ADGRL3: variants seen among roughly 807,000 people sequenced by gnomAD.
ADGRL3 encodes adhesion G protein-coupled receptor L3.
Under a neutral mutation model 153.5 loss-of-function variants are expected in ADGRL3, and 62 were observed. That is an observed-to-expected ratio of 0.40 (90% CI 0.33 to 0.50). ADGRL3 has a LOEUF of 0.50. Ranked by LOEUF, ADGRL3 falls within the 20% of genes least tolerant of loss-of-function variation. The pLI is 0.47. For missense variants in ADGRL3, 1,641 were observed against 1,859.4 expected (o/e 0.88, Z 2.16); for synonymous variants, 710 against 672.5 (o/e 1.06, Z -0.86).
At chr4:61,616,110 G>A (rs1363721113) in intron 5 of ADGRL3, among the ~76,000 whole-genome samples, 1 of 152,096 alleles carries the variant, frequency 6.6e-6, no homozygotes, top group African/African-American at 2.4e-5. Flanking sequence ...TATTTTTAAA[G>A]GCTGGCAATG....
intron 15 of ADGRL3, among the ~76,000 whole-genome samples, chr4:61,946,258 C>A (rs1410758631): frequency 6.6e-6 from 1 of 152,028 alleles, no homozygotes; most frequent in African/African-American, 2.4e-5. Flanking sequence ...TTTAGAGATT[C>A]TTGTGGGTAT....
chr4:61,775,500 C>T (rs543269794), intron 8 of ADGRL3: 1 of 733,416 alleles, frequency 1.4e-6, no homozygotes, highest in East Asian at 2.7e-5. Flanking sequence ...CCTGAGACTC[C>T]TTGCCATAGT....
intron 8 of ADGRL3, among the ~76,000 whole-genome samples, chr4:61,756,639 A>G (rs997608296): frequency 2.6e-5 from 4 of 152,166 alleles, no homozygotes. Flanking sequence ...TGCCCTGGCC[A>G]GAACTTCCAA....
intron 1 of ADGRL3, among the ~76,000 whole-genome samples, chr4:61,241,276 G>T (rs956194419): frequency 1.3e-5 from 2 of 151,950 alleles, no homozygotes; most frequent in Non-Finnish European, 2.9e-5. Flanking sequence ...GGTAACGAAG[G>T]TGTTTGTGAT....
intron 1 of ADGRL3, among the ~76,000 whole-genome samples, chr4:61,365,224 T>G (rs1382737349): frequency 6.8e-6 from 1 of 147,336 alleles, no homozygotes; most frequent in Admixed American, 6.9e-5. Context: ...ACTGAGTTTA[T>G]TTGACTGGAA....
intron 13 of ADGRL3, among the ~76,000 whole-genome samples, chr4:61,922,505 C>T (rs1311397004): frequency 6.6e-6 from 1 of 152,048 alleles, no homozygotes; most frequent in Non-Finnish European, 1.5e-5. Context: ...ACAGTTTACT[C>T]AGATTTTTAA....
chr4:61,905,138 T>C (rs1017062601), intron 11 of ADGRL3, among the ~76,000 whole-genome samples: 5 of 152,124 alleles, frequency 3.3e-5, no homozygotes, highest in African/African-American at 9.7e-5. Flanking sequence ...TAATGTCCCT[T>C]TGGAACATTA....
chr4:61,563,364 G>A (rs1356230666), intron 4 of ADGRL3, among the ~76,000 whole-genome samples: 1 of 152,102 alleles, frequency 6.6e-6, no homozygotes, highest in Non-Finnish European at 1.5e-5. Flanking sequence ...GTTCTATTTA[G>A]ACAGCACAGG....
At chr4:61,424,221 G>A (rs2097248870) in intron 2 of ADGRL3, among the ~76,000 whole-genome samples, 1 of 152,048 alleles carries the variant, frequency 6.6e-6, no homozygotes, top group Non-Finnish European at 1.5e-5. Context: ...TAACATGGTA[G>A]CATAACTGTG....
chr4:61,681,724 A>C (rs2095340433), intron 6 of ADGRL3, among the ~76,000 whole-genome samples: 1 of 152,116 alleles, frequency 6.6e-6, no homozygotes, highest in Non-Finnish European at 1.5e-5. Flanking sequence ...CTAAATATTT[A>C]ATTATAAATG....
chr4:61,652,723 A>G (rs934930152), intron 5 of ADGRL3, among the ~76,000 whole-genome samples: 1 of 152,226 alleles, frequency 6.6e-6, no homozygotes, highest in Non-Finnish European at 1.5e-5. Flanking sequence ...CTGAACTACA[A>G]CATTTATATT....
intron 1 of ADGRL3, among the ~76,000 whole-genome samples, chr4:61,354,878 C>T (rs2096131918): frequency 6.6e-6 from 1 of 152,026 alleles, no homozygotes; most frequent in South Asian, 2.1e-4. Flanking sequence ...AGTTTTGTGA[C>T]CTTTGTTTCT....
rs113098950 is a variant in ADGRL3, at chr4:61,304,703, A to G, written c.-239-78421A>G. Among the ~76,000 whole-genome samples, 1,060 of 152,060 alleles carry G rather than the reference A, an allele frequency of 7.0e-3. 15 individuals carry two copies. The highest frequency in any genetic ancestry group is 0.024 in the African/African-American group (998 of 41,486). Reference sequence around the variant, plus strand: ...GTGATAAAATGCTTTTGTAGTTCTGATCATGTCTGTTTTAACAAGCTCCTA... The same window carrying G: ...GTGATAAAATGCTTTTGTAGTTCTGGTCATGTCTGTTTTAACAAGCTCCTA... On this transcript the variant is annotated intron_variant, in intron 1 of 26. Coordinates refer to ENST00000683033, the MANE Select transcript of ADGRL3 (RefSeq NM_001387552.1).
At chr4:61,699,082 A>G (rs953032289) in intron 6 of ADGRL3, among the ~76,000 whole-genome samples, 4 of 152,138 alleles carry the variant, frequency 2.6e-5, no homozygotes, top group African/African-American at 9.7e-5. Flanking sequence ...GAGCACTTTA[A>G]AACATGATCT....
chr4:61,921,702 G>T (rs948111145), intron 13 of ADGRL3, among the ~76,000 whole-genome samples: 2 of 152,034 alleles, frequency 1.3e-5, no homozygotes, highest in Non-Finnish European at 1.5e-5. Flanking sequence ...CACCATGCCC[G>T]GCCTGTTAGC....
chr4:61,914,513 G>C (rs764352293), intron 13 of ADGRL3, among the ~76,000 whole-genome samples: 14 of 152,086 alleles, frequency 9.2e-5, no homozygotes, highest in Non-Finnish European at 1.8e-4. Flanking sequence ...ACTGGACAAA[G>C]GGGGAATTAT....
intron 1 of ADGRL3, among the ~76,000 whole-genome samples, chr4:61,304,726 C>T (rs971193004): frequency 6.6e-6 from 1 of 152,110 alleles, no homozygotes; most frequent in Non-Finnish European, 1.5e-5. Context: ...TAACAAGCTC[C>T]TAAGGGTTTT....
intron 3 of ADGRL3, among the ~76,000 whole-genome samples, chr4:61,514,949 G>A (rs1442921435): frequency 1.3e-5 from 2 of 151,914 alleles, no homozygotes; most frequent in African/African-American, 4.8e-5. Context: ...TAAATCAATT[G>A]TCATTCTTTG....
chr4:61,479,925 A>G (rs2098114208), intron 2 of ADGRL3, among the ~76,000 whole-genome samples: 1 of 152,124 alleles, frequency 6.6e-6, no homozygotes, highest in Non-Finnish European at 1.5e-5. Flanking sequence ...TAAGGTTCAC[A>G]AGTTTTTTTT....
Sources: gnomAD v4.1 joint callset for allele counts (sites outside exome capture counted in the v4.1 genomes callset) on GRCh38, gnomAD v4.1.1 for gene constraint, MANE v1.5 for transcripts, NCBI Gene and HGNC (gene_info 2026-07-23, HGNC 2026-07-21) for gene names.